Variants in RPTOR observed in about 807,000 individuals in gnomAD.
RPTOR encodes the protein regulatory-associated protein of mTOR.
In RPTOR, 21 loss-of-function variants were observed where a neutral mutation model predicts 169.9. The ratio of observed to expected loss-of-function variants is 0.12; its 90% CI spans 0.09 to 0.18. RPTOR has a LOEUF of 0.18. RPTOR is among the 10% of genes least tolerant of loss of function. The probability of loss-of-function intolerance (pLI) is 1.00; values close to 1 mark genes in which losing one functional copy is unlikely to be tolerated. For missense variants in RPTOR, 1,133 were observed against 1,855.9 expected (o/e 0.61, Z 7.16); for synonymous variants, 732 against 753.2 (o/e 0.97, Z 0.46).
chr17:80,653,746 C>T (rs2065658613), intron 3 of RPTOR, among the ~76,000 whole-genome samples: 1 of 152,232 alleles, frequency 6.6e-6, no homozygotes, highest in South Asian at 2.1e-4. Flanking sequence ...TCCTTCCCCT[C>T]CCTGTGTGTG....
At chr17:80,643,960 C>T (rs977790897) in intron 3 of RPTOR, 150 bp downstream of exon 3, 12 of 618,390 alleles carry the variant, frequency 1.9e-5, no homozygotes, top group East Asian at 2.9e-5. Context: ...CGTGTGCCTG[C>T]GTTCTGCCTG....
chr17:80,941,793 C>T (rs756516074), intron 25 of RPTOR: 11 of 152,302 alleles, frequency 7.2e-5, no homozygotes, highest in African/African-American at 1.4e-4. Flanking sequence ...AGCACAGGCG[C>T]CATGAGCGCG....
rs148926654 is a variant in RPTOR at position 80,895,343 on chromosome 17, G to A, written c.2401+1478G>A. 3.9e-3 allele frequency among the ~76,000 whole-genome samples: 600 copies of A among 152,300 alleles called. 3 individuals are homozygous for A. The highest frequency in any genetic ancestry group is 6.8e-3 in the Middle Eastern group (2 of 294). ...AGCCCCACGCCCCACCTGGAATCAG[G>A]CTTCCCCAGCTGCCCTCTGACCCTG... On this transcript the variant is annotated intron_variant, in intron 20 of 33. Transcript: ENST00000306801.
chr17:80,908,043 G>C (rs747835503), intron 20 of RPTOR, among the ~76,000 whole-genome samples: 1 of 152,168 alleles, frequency 6.6e-6, no homozygotes, highest in Non-Finnish European at 1.5e-5. Context: ...CGACGCTGGG[G>C]GTAACACCTG....
At chr17:80,964,209 C>CCCCCTG in intron 33 of RPTOR, 53 bp from the exon 34 acceptor site, 29 of 1,325,496 alleles carry the variant, frequency 2.2e-5, no homozygotes, top group Non-Finnish European at 2.8e-5. Context: ...CCCCGCCCCC[C>CCCCCTG]GCAGTGTCTG....
chr17:80,594,684 A>AT (rs1410281967), intron 1 of RPTOR, among the ~76,000 whole-genome samples: 10 of 152,238 alleles, frequency 6.6e-5, no homozygotes, highest in Admixed American at 1.3e-4. Context: ...AGAGAGAACC[A>AT]GCCATTACTG....
chr17:80,853,404 G>A lies in RPTOR; in HGVS notation c.1315-2060G>A, dbSNP rs531637178. 2.0e-5 allele frequency among the ~76,000 whole-genome samples: 3 copies of A among 152,274 alleles called. 1 individual carries two copies. The highest frequency in any genetic ancestry group is 2.0e-4 in the Admixed American group (3 of 15,310). ...AGGGAAAACCTCCGAGGCCTGCAGC[G>A]AGGCCAGGTCAGGGGCTCCCAGGGT... On this transcript the variant is annotated intron_variant, in intron 11 of 33. Transcript: ENST00000306801.
intron 21 of RPTOR, among the ~76,000 whole-genome samples, chr17:80,911,950 G>A (rs760184035): frequency 6.6e-6 from 1 of 152,130 alleles, no homozygotes; most frequent in Admixed American, 6.5e-5. Context: ...CAGAGCAACC[G>A]GTCCCGAGGC....
intron 1 of RPTOR, among the ~76,000 whole-genome samples, chr17:80,587,832 G>A (rs1330948510): frequency 6.6e-6 from 1 of 151,058 alleles, no homozygotes; most frequent in East Asian, 1.9e-4. Flanking sequence ...AAAATATATA[G>A]TGTTATTAAC....
intron 3 of RPTOR, among the ~76,000 whole-genome samples, chr17:80,647,506 G>A (rs4889872): frequency 0.24 from 35,966 of 152,098 alleles, 5,293 homozygotes; most frequent in East Asian, 0.42. Flanking sequence ...ACAAGCAGGA[G>A]GGGCCTCGCT....
At chr17:80,830,317 C>G (rs1172118367) in intron 9 of RPTOR, among the ~76,000 whole-genome samples, 1 of 152,210 alleles carries the variant, frequency 6.6e-6, no homozygotes, top group Admixed American at 6.5e-5. Flanking sequence ...AACTCCAGCT[C>G]CACCCAGTTC....
At chr17:80,642,683 C>G (rs1017496603) in intron 2 of RPTOR, among the ~76,000 whole-genome samples, 3 of 152,178 alleles carry the variant, frequency 2.0e-5, no homozygotes, top group African/African-American at 7.2e-5. Flanking sequence ...GATACTACAT[C>G]TCATATAATC....
At chr17:80,548,722 C>G (rs540987660) in intron 1 of RPTOR, among the ~76,000 whole-genome samples, 21 of 152,110 alleles carry the variant, frequency 1.4e-4, no homozygotes, top group African/African-American at 3.9e-4. Context: ...TCTCTGTTAC[C>G]CAGGCCTCCA....
chr17:80,946,656 C>T (rs2069107671), intron 26 of RPTOR, among the ~76,000 whole-genome samples: 1 of 152,256 alleles, frequency 6.6e-6, no homozygotes, highest in African/African-American at 2.4e-5. Flanking sequence ...GTCAGAATTT[C>T]CTTTTCATGG....
At chr17:80,815,158 A>G (rs1392144936) in intron 7 of RPTOR, among the ~76,000 whole-genome samples, 1 of 152,258 alleles carries the variant, frequency 6.6e-6, no homozygotes, top group African/African-American at 2.4e-5. Flanking sequence ...GGGAGCAGAC[A>G]CTAGGCAGTT....
intron 7 of RPTOR, among the ~76,000 whole-genome samples, chr17:80,800,945 T>A (rs1004328224): frequency 2.6e-5 from 4 of 152,244 alleles, no homozygotes; most frequent in Admixed American, 6.5e-5. Context: ...AGTCTCTGTG[T>A]GCTGCTGCTT....
chr17:80,590,787 TG>T (rs1414574133), intron 1 of RPTOR, among the ~76,000 whole-genome samples: 2 of 152,386 alleles, frequency 1.3e-5, no homozygotes, highest in East Asian at 3.9e-4. Flanking sequence ...GTACAGTTTT[TG>T]TTGGGTTTTA....
intron 6 of RPTOR, among the ~76,000 whole-genome samples, chr17:80,790,876 G>T (rs1405661117): frequency 6.6e-6 from 1 of 152,216 alleles, no homozygotes; most frequent in Non-Finnish European, 1.5e-5. Context: ...GCCCGGATGG[G>T]AGGAGAGATG....
chr17:80,719,169 A>G (rs1259346652), intron 4 of RPTOR, among the ~76,000 whole-genome samples: 1 of 152,086 alleles, frequency 6.6e-6, no homozygotes, highest in Non-Finnish European at 1.5e-5. Context: ...CAGTTTCTAG[A>G]GCCGAAGAAG....
Sources: gnomAD v4.1 joint callset for allele counts (sites outside exome capture counted in the v4.1 genomes callset) on GRCh38, gnomAD v4.1.1 for gene constraint, MANE v1.5 for transcripts, NCBI Gene and HGNC (gene_info 2026-07-23, HGNC 2026-07-21) for gene names.